NWD1: variants seen among roughly 807,000 people sequenced by gnomAD.
NWD1 encodes the protein NACHT and WD repeat domain containing 1, also known as NACHT domain- and WD repeat-containing protein 1.
In NWD1, 129 loss-of-function variants were observed where a neutral mutation model predicts 135.1. That is an observed-to-expected ratio of 0.96 (90% confidence interval 0.83 to 1.11). The LOEUF is 1.11. Among genes scored for constraint, NWD1 ranks in the 50% least tolerant of loss-of-function variants. The probability of loss-of-function intolerance (pLI) is 0.00; values close to 1 mark genes in which losing one functional copy is unlikely to be tolerated. For synonymous variants in NWD1, 773 were observed against 786.0 expected (o/e 0.98, Z 0.28); for missense variants, 1,740 against 1,851.3 (o/e 0.94, Z 1.10).
At chr19:16,774,872 C>T (rs1225898070) in intron 11 of NWD1, among the ~76,000 whole-genome samples, 1 of 152,144 alleles carries the variant, frequency 6.6e-6, no homozygotes, top group Non-Finnish European at 1.5e-5. Context: ...CCCATCCACA[C>T]ACTTAGCCAT....
rs1286426764 is a variant in NWD1 at position 16,744,508 on chromosome 19, G to T, written c.286G>T (p.Ala96Ser). 9.8e-6 allele frequency: 15 copies of T among 1,535,756 alleles called. No homozygotes were observed. The highest frequency in any genetic ancestry group is 2.7e-5 in the African/African-American group (2 of 73,012). ...EWEVLRDHLT[A>S]RPSDLELVAR... The stretch of plus-strand genomic sequence containing the variant: ...GGAGGTATTGAGGGACCATCTGACT[G>T]CCAGGCCAAGTGACCTGGAGCTGGT... The change falls in exon 5 of 19, where the codon GCC (alanine) becomes TCC (serine). Residue 96 changes from alanine to serine, a missense_variant. Transcript: ENST00000524140.
chr19:16,808,229 C>T (rs1970817471), intron 18 of NWD1, 93 bp downstream of exon 18: 10 of 1,200,354 alleles, frequency 8.3e-6, no homozygotes, highest in Admixed American at 1.9e-5. Flanking sequence ...CATGGGCCAT[C>T]GACCAGGATG....
chr19:16,784,932 CAA>C (rs922809485), intron 12 of NWD1, among the ~76,000 whole-genome samples: 1 of 135,484 alleles, frequency 7.4e-6, no homozygotes, highest in African/African-American at 2.7e-5. Flanking sequence ...ACTCCGTCTC[CAA>C]AAAAAAAAAC....
chr19:16,801,878 G>C (rs150795937), intron 17 of NWD1, among the ~76,000 whole-genome samples: 187 of 152,164 alleles, frequency 1.2e-3, no homozygotes, highest in African/African-American at 4.2e-3. Flanking sequence ...GTTAGTTCTC[G>C]CGAGGTTGTT....
At chr19:16,755,738 A>G (rs1349080761) in intron 6 of NWD1, among the ~76,000 whole-genome samples, 2 of 141,554 alleles carry the variant, frequency 1.4e-5, no homozygotes, top group South Asian at 4.6e-4. Context: ...GGGTCTCACT[A>G]TGTTGCCCAG....
Position 16,807,851 on chromosome 19 carries a change from G to A in NWD1, c.4002G>A (p.Pro1334=), listed in dbSNP as rs3745321. 12,942 of 1,614,134 alleles carry A rather than the reference G, an allele frequency of 8.0e-3. 60 individuals carry two copies. The highest frequency in any genetic ancestry group is 9.3e-3 in the Non-Finnish European group (10,936 of 1,180,040). The stretch of plus-strand genomic sequence containing the variant: ...ACATCACCTCCGGGGACCCCTGCCC[G>A]GTCATCGATGGGCCAAGATACACCT... ...VLDITSGDPC[P]VIDGPRYTFY... is the part of the protein sequence containing the mutation. The change falls in exon 18 of 19, where the codon CCG becomes CCA. Residue 1334 remains proline (P), a synonymous_variant. Coordinates refer to ENST00000524140, the MANE Select transcript of NWD1 (RefSeq NM_001007525.5).
intron 17 of NWD1, among the ~76,000 whole-genome samples, chr19:16,802,121 TA>T (rs2123109707): frequency 6.6e-6 from 1 of 151,686 alleles, no homozygotes; most frequent in South Asian, 2.1e-4. Flanking sequence ...CCATCTCTAC[TA>T]AAAATACAAA....
intron 6 of NWD1, among the ~76,000 whole-genome samples, chr19:16,758,127 C>T (rs1409320313): frequency 6.6e-6 from 1 of 151,978 alleles, no homozygotes; most frequent in Non-Finnish European, 1.5e-5. Context: ...CTACAAGCCA[C>T]AAAAACTATG....
At chr19:16,771,551 G>A (rs1351355339) in intron 10 of NWD1, among the ~76,000 whole-genome samples, 7 of 152,186 alleles carry the variant, frequency 4.6e-5, no homozygotes, top group Admixed American at 4.6e-4. Context: ...CGCTCGCCAG[G>A]AGTTGTAAAC....
chr19:16,721,458 G>A (rs1024079989), intron 1 of NWD1: 1 of 152,370 alleles, frequency 6.6e-6, no homozygotes, highest in African/African-American at 2.4e-5. Flanking sequence ...GAGCCTGCTG[G>A]GACCCAGGAA....
intron 12 of NWD1, among the ~76,000 whole-genome samples, chr19:16,780,357 C>T (rs11669644): frequency 0.046 from 6,983 of 152,084 alleles, 202 homozygotes; most frequent in African/African-American, 0.084. Context: ...GGGGTTTCAC[C>T]GTGTTAGCCA....
intron 13 of NWD1, among the ~76,000 whole-genome samples, chr19:16,790,654 T>A (rs961685336): frequency 3.2e-4 from 38 of 119,138 alleles, no homozygotes; most frequent in African/African-American, 1.1e-3. Flanking sequence ...AATAAATAAA[T>A]AAATAAATAA....
chr19:16,800,250 C>A, intron 17 of NWD1, 88 bp downstream of exon 17: 1 of 1,316,294 alleles, frequency 7.6e-7, no homozygotes, highest in Non-Finnish European at 1.0e-6. Context: ...ATCATCCCCA[C>A]AGGCTGGGCC....
intron 17 of NWD1, 51 bp downstream of exon 17, chr19:16,800,213 CTGTCTT>C (rs1170613151): frequency 6.6e-7 from 1 of 1,516,622 alleles, no homozygotes; most frequent in Non-Finnish European, 9.0e-7. Flanking sequence ...TTGGAGCCAT[CTGTCTT>C]AGTTTAGGCT....
At position 16,750,386 on chromosome 19, in the gene NWD1, G is replaced by A. The variant is rs143795871; in HGVS notation, c.1744G>A (p.Val582Met). 57 of 1,593,556 alleles carry A rather than the reference G, an allele frequency of 3.6e-5. No individual in the cohort carries two copies. The highest frequency in any genetic ancestry group is 1.6e-4 in the East Asian group (7 of 44,644). ...ACACGGGCAGCTCCTCGTGGCCCAC[G>A]TGCTGGGCTACATTGTGTCTTCCCG... The part of the protein sequence containing the change: ...QTHGQLLVAH[V>M]LGYIVSSRHG... The change falls in exon 6 of 19, where the codon GTG becomes ATG. Residue 582 changes from valine to methionine, a missense_variant. By Grantham distance (21) the Val-to-Met change is conservative (BLOSUM62 1). Coordinates refer to ENST00000524140, the MANE Select transcript of NWD1 (RefSeq NM_001007525.5).
chr19:16,778,240 T>C (rs905180857), intron 11 of NWD1, among the ~76,000 whole-genome samples: 2 of 152,124 alleles, frequency 1.3e-5, no homozygotes, highest in African/African-American at 4.8e-5. Context: ...AGTTTCTTAG[T>C]GTCTAGGCCC....
chr19:16,748,128 C>A (rs755870000), intron 5 of NWD1, among the ~76,000 whole-genome samples: 1 of 152,032 alleles, frequency 6.6e-6, no homozygotes, highest in Non-Finnish European at 1.5e-5. Context: ...GGATTACAGG[C>A]GTGCGGCATC....
intron 6 of NWD1, 47 bp downstream of exon 6, chr19:16,750,458 T>C: frequency 7.2e-7 from 1 of 1,384,056 alleles, no homozygotes; most frequent in South Asian, 1.5e-5. Context: ...TTATGTTTTC[T>C]TTTTTTATTT....
chr19:16,813,829 C>T (rs1970995426), intron 18 of NWD1, among the ~76,000 whole-genome samples: 1 of 151,814 alleles, frequency 6.6e-6, no homozygotes, highest in Non-Finnish European at 1.5e-5. Flanking sequence ...GTCTCTTGGT[C>T]TGTTCAGTAT....
Sources: gnomAD v4.1 joint callset for allele counts (sites outside exome capture counted in the v4.1 genomes callset) on GRCh38, gnomAD v4.1.1 for gene constraint, MANE v1.5 for transcripts, NCBI Gene and HGNC (gene_info 2026-07-23, HGNC 2026-07-21) for gene names.